CAMK1D: variants seen among roughly 807,000 people sequenced by gnomAD.
The protein encoded by CAMK1D is calcium/calmodulin-dependent protein kinase type 1D.
A neutral mutation model predicts 47.7 loss-of-function variants in CAMK1D; 9 were observed. That is an observed-to-expected ratio of 0.19 (90% CI 0.11 to 0.33). CAMK1D has a LOEUF of 0.33. Among genes scored for constraint, CAMK1D ranks in the 10% least tolerant of loss-of-function variants. The pLI is 1.00. For synonymous variants in CAMK1D, 184 were observed against 184.9 expected (o/e 0.99, Z 0.04); for missense variants, 291 against 488.7 (o/e 0.60, Z 3.81).
At chr10:12,781,477 G>T (rs557968940) in intron 5 of CAMK1D, among the ~76,000 whole-genome samples, 55 of 152,150 alleles carry the variant, frequency 3.6e-4, no homozygotes, top group Middle Eastern at 3.4e-3. Flanking sequence ...CTCCCTCCCC[G>T]TTCCTTAGCC....
At chr10:12,546,998 C>A (rs1206073320) in intron 1 of CAMK1D, among the ~76,000 whole-genome samples, 1 of 152,084 alleles carries the variant, frequency 6.6e-6, no homozygotes, top group African/African-American at 2.4e-5. Flanking sequence ...AGGAGGCCAT[C>A]AAAGGACCAG....
intron 10 of CAMK1D, 89 bp from the exon 11 acceptor site, chr10:12,828,680 A>T: frequency 9.6e-7 from 1 of 1,037,274 alleles, no homozygotes; most frequent in Non-Finnish European, 1.4e-6. Flanking sequence ...CCCCCACCAT[A>T]AACCCAGCCC....
chr10:12,767,845 T>C (rs780077861), intron 4 of CAMK1D, among the ~76,000 whole-genome samples: 7 of 152,194 alleles, frequency 4.6e-5, no homozygotes, highest in Non-Finnish European at 8.8e-5. Flanking sequence ...TTGTCTCCCG[T>C]GAGCAGAGGG....
intron 5 of CAMK1D, among the ~76,000 whole-genome samples, chr10:12,774,797 G>A (rs891425634): frequency 2.6e-5 from 4 of 152,274 alleles, no homozygotes; most frequent in African/African-American, 7.2e-5. Context: ...GCCCGCAAGA[G>A]ATTTAGGTTG....
At chr10:12,586,055 G>T (rs1837807644) in intron 2 of CAMK1D, among the ~76,000 whole-genome samples, 1 of 152,126 alleles carries the variant, frequency 6.6e-6, no homozygotes, top group Non-Finnish European at 1.5e-5. Context: ...ATGACAAACG[G>T]TTGCTTGGAT....
At chr10:12,351,815 T>C (rs1343046299) in intron 1 of CAMK1D, among the ~76,000 whole-genome samples, 1 of 152,188 alleles carries the variant, frequency 6.6e-6, no homozygotes, top group Non-Finnish European at 1.5e-5. Flanking sequence ...CTGTGAGCTT[T>C]GGGAATGGGT....
chr10:12,585,466 C>T (rs1837788355), intron 2 of CAMK1D, among the ~76,000 whole-genome samples: 1 of 152,164 alleles, frequency 6.6e-6, no homozygotes, highest in South Asian at 2.1e-4. Flanking sequence ...TGTCCGTTTT[C>T]ACGCTGCTGA....
intron 1 of CAMK1D, among the ~76,000 whole-genome samples, chr10:12,362,736 T>A (rs1837711403): frequency 6.6e-6 from 1 of 152,170 alleles, no homozygotes; most frequent in African/African-American, 2.4e-5. Flanking sequence ...AGTCGCGATC[T>A]CCTGACCTCC....
In CAMK1D at chr10:12,349,587, C is replaced by T. The variant is rs1306211341; in HGVS notation, c.-232C>T. The T allele has an allele frequency of 5.8e-5, 9 of 154,706 alleles. No individual in the cohort carries two copies. In the South Asian group the frequency reaches 1.3e-3, roughly 23 times the overall value. The allele number at this position is 154,706 out of a possible 1,614,324, so 9.6% of individuals were successfully genotyped here. ...GGCTGGCAGGCGGCGGCAAAGGAGC[C>T]GGCGCGCGGCGGCGGCAGGAAGTCT... On this transcript the variant is annotated 5_prime_UTR_variant, in exon 1 of 11. Transcript: ENST00000619168.
At chr10:12,704,610 A>C (rs1053272588) in intron 3 of CAMK1D, among the ~76,000 whole-genome samples, 21 of 152,206 alleles carry the variant, frequency 1.4e-4, no homozygotes, top group Admixed American at 3.3e-4. Context: ...AAGTTTTGAA[A>C]CTCAAGGGAA....
Position 12,541,475 on chromosome 10 carries a change from T to G in CAMK1D, c.93-11750T>G, listed in dbSNP as rs1836169252. Among the ~76,000 whole-genome samples, 10 of 152,294 alleles carry G rather than the reference T, an allele frequency of 6.6e-5. No homozygotes were observed. In the South Asian group the frequency reaches 2.1e-3, roughly 32 times the overall value. ...GCTGCCTGGGTTCAAGCAGTTCTCC[T>G]GCCTCAGCCTCCTGAGTAGCTGGGA... On this transcript the variant is annotated intron_variant, in intron 1 of 10. Transcript: ENST00000619168.
At chr10:12,812,868 A>G (rs1832661316) in intron 6 of CAMK1D, among the ~76,000 whole-genome samples, 1 of 152,174 alleles carries the variant, frequency 6.6e-6, no homozygotes, top group Non-Finnish European at 1.5e-5. Flanking sequence ...TGAATCATAG[A>G]GCCACGGTAT....
intron 1 of CAMK1D, among the ~76,000 whole-genome samples, chr10:12,499,743 G>C (rs572479407): frequency 6.6e-6 from 1 of 152,340 alleles, no homozygotes; most frequent in African/African-American, 2.4e-5. Flanking sequence ...TTTGAGGAAA[G>C]TCTTTCACAA....
intron 5 of CAMK1D, among the ~76,000 whole-genome samples, chr10:12,782,776 A>C (rs1306797520): frequency 6.6e-6 from 1 of 152,178 alleles, no homozygotes; most frequent in East Asian, 1.9e-4. Flanking sequence ...CAACTCTTCC[A>C]AATTGAGCTC....
intron 5 of CAMK1D, among the ~76,000 whole-genome samples, chr10:12,780,928 A>G (rs930722223): frequency 5.3e-5 from 8 of 152,284 alleles, no homozygotes; most frequent in African/African-American, 1.7e-4. Context: ...GTTGGAGAGG[A>G]CAGGGCCCCC....
chr10:12,640,114 T>A (rs1839625961), intron 2 of CAMK1D, among the ~76,000 whole-genome samples: 1 of 152,184 alleles, frequency 6.6e-6, no homozygotes, highest in African/African-American at 2.4e-5. Flanking sequence ...TCTCGAAGAA[T>A]CAGCGCTCCT....
At chr10:12,503,188 G>C (rs552057257) in intron 1 of CAMK1D, among the ~76,000 whole-genome samples, 1 of 152,322 alleles carries the variant, frequency 6.6e-6, no homozygotes, top group East Asian at 1.9e-4. Context: ...ATATATGTAC[G>C]TGTGGGTGCA....
At chr10:12,636,104 A>G (rs1164395093) in intron 2 of CAMK1D, among the ~76,000 whole-genome samples, 1 of 152,240 alleles carries the variant, frequency 6.6e-6, no homozygotes, top group East Asian at 1.9e-4. Context: ...GTTCAGTGGC[A>G]TTAAGTACAT....
chr10:12,520,427 C>A (rs1425105551), intron 1 of CAMK1D, among the ~76,000 whole-genome samples: 1 of 80,240 alleles, frequency 1.2e-5, no homozygotes, highest in African/African-American at 4.9e-5. Flanking sequence ...TGGGCAGAGA[C>A]GCTCCTCACT....
Sources: gnomAD v4.1 joint callset for allele counts (sites outside exome capture counted in the v4.1 genomes callset) on GRCh38, gnomAD v4.1.1 for gene constraint, MANE v1.5 for transcripts, NCBI Gene and HGNC (gene_info 2026-07-23, HGNC 2026-07-21) for gene names.